Variants in ASIC2 observed in about 807,000 individuals in gnomAD.
ASIC2 encodes the protein acid sensing ion channel subunit 2.
ASIC2 carries 25 observed loss-of-function variants against 57.3 expected under a neutral mutation model. The observed-to-expected ratio is 0.44, with a 90% CI of 0.32 to 0.61. The LOEUF is 0.61. Ranked by LOEUF, ASIC2 falls within the 20% of genes least tolerant of loss-of-function variation. The pLI is 0.06. For synonymous variants in ASIC2, 319 were observed against 307.5 expected, an observed-to-expected ratio of 1.04 and a Z score of -0.39; for missense variants, 641 against 738.1, an observed-to-expected ratio of 0.87 and a Z score of 1.52.
At chr17:33,442,498 TAAGTA>T (rs1234854227) in intron 1 of ASIC2, among the ~76,000 whole-genome samples, 5 of 152,220 alleles carry the variant, frequency 3.3e-5, no homozygotes, top group Non-Finnish European at 7.3e-5. Flanking sequence ...AATTTATTCT[TAAGTA>T]TTTTACTCTT....
chr17:34,155,612 C>A, intron 1 of ASIC2: 1 of 242,864 alleles, frequency 4.1e-6, no homozygotes, highest in East Asian at 1.1e-4. Flanking sequence ...CAGAATGCCA[C>A]CTCGTCAATG....
intron 1 of ASIC2, among the ~76,000 whole-genome samples, chr17:33,242,919 C>T (rs1285528085): frequency 6.6e-6 from 1 of 152,148 alleles, no homozygotes; most frequent in Non-Finnish European, 1.5e-5. Context: ...GGTTTACCTG[C>T]AAGCCACACC....
intron 1 of ASIC2, among the ~76,000 whole-genome samples, chr17:33,265,201 C>T (rs1274601031): frequency 6.6e-6 from 1 of 152,222 alleles, no homozygotes; most frequent in Non-Finnish European, 1.5e-5. Flanking sequence ...TCTTCTGCAT[C>T]ACCTTATCTG....
chr17:33,505,213 T>A (rs541650912), intron 1 of ASIC2, among the ~76,000 whole-genome samples: 2 of 152,098 alleles, frequency 1.3e-5, no homozygotes, highest in Non-Finnish European at 2.9e-5. Context: ...GCACTGAGAT[T>A]CCAGAGGGTC....
At chr17:33,123,641 C>G (rs779484729) in intron 1 of ASIC2, among the ~76,000 whole-genome samples, 3 of 152,188 alleles carry the variant, frequency 2.0e-5, no homozygotes, top group African/African-American at 4.8e-5. Flanking sequence ...GGCATTCTTG[C>G]AAAACTCTGC....
At position 33,905,175 on chromosome 17, in the gene ASIC2, G is replaced by A. The variant is rs1008162904; in HGVS notation, c.555+250803C>T. On this transcript the variant is annotated intron_variant, in intron 1 of 9. Coordinates refer to the ASIC2 transcript ENST00000359872. ...TTTTTTTTTTTTTTTTCCACTTAGC[G>A]TTCTTGCCTTAGGAAAGTAAACCAA... Among the ~76,000 whole-genome samples, 4 of 108,974 alleles carry A rather than the reference G, an allele frequency of 3.7e-5. No individual in the cohort carries two copies. The South Asian group carries it at 1.1e-3, about 30-fold the overall frequency. The allele number at this position is 108,974 out of a possible 152,430, so 71.5% of individuals were successfully genotyped here. A position where few individuals can be genotyped will look rare whatever the true frequency, so the allele number is the denominator to read the frequency against.
At chr17:33,801,217 A>G (rs1912123470) in intron 1 of ASIC2, among the ~76,000 whole-genome samples, 1 of 152,166 alleles carries the variant, frequency 6.6e-6, no homozygotes, top group South Asian at 2.1e-4. Flanking sequence ...AAAGGAGAGG[A>G]AGGAAAATGA....
intron 3 of ASIC2, among the ~76,000 whole-genome samples, chr17:33,064,232 C>T (rs985072085): frequency 1.4e-4 from 21 of 152,338 alleles, no homozygotes; most frequent in African/African-American, 4.6e-4. Context: ...GGAGGAGAGG[C>T]GCTCTGATTT....
chr17:33,419,102 A>C (rs919308966), intron 1 of ASIC2, among the ~76,000 whole-genome samples: 22 of 152,354 alleles, frequency 1.4e-4, no homozygotes, highest in South Asian at 6.2e-4. Context: ...AAAGTATGGT[A>C]ATAAAAAAGA....
chr17:33,855,613 C>T (rs1159563677), intron 1 of ASIC2, among the ~76,000 whole-genome samples: 1 of 152,040 alleles, frequency 6.6e-6, no homozygotes, highest in Non-Finnish European at 1.5e-5. Flanking sequence ...AGGGGCTTGA[C>T]TGGACTGAGA....
At chr17:33,481,151 G>A (rs1913392235) in intron 1 of ASIC2, among the ~76,000 whole-genome samples, 1 of 152,212 alleles carries the variant, frequency 6.6e-6, no homozygotes, top group Non-Finnish European at 1.5e-5. Context: ...TGGTGCCTGA[G>A]TTGCTGAGGG....
intron 1 of ASIC2, among the ~76,000 whole-genome samples, chr17:33,899,071 T>G (rs1326131789): frequency 2.0e-5 from 3 of 148,882 alleles, no homozygotes; most frequent in African/African-American, 7.5e-5. Context: ...GAGCTTGCAG[T>G]GAGCTGAGAT....
At chr17:33,491,307 A>G (rs1913750153) in intron 1 of ASIC2, among the ~76,000 whole-genome samples, 1 of 152,144 alleles carries the variant, frequency 6.6e-6, no homozygotes, top group Non-Finnish European at 1.5e-5. Flanking sequence ...CGGCTCTAAC[A>G]TGATGCTGGG....
intron 3 of ASIC2, among the ~76,000 whole-genome samples, chr17:33,055,541 C>T (rs1458513215): frequency 1.3e-5 from 2 of 152,196 alleles, no homozygotes; most frequent in Non-Finnish European, 2.9e-5. Context: ...TCCGCTTGTC[C>T]TGCTCTGTCA....
intron 1 of ASIC2, among the ~76,000 whole-genome samples, chr17:33,137,247 A>G (rs2092370407): frequency 6.6e-6 from 1 of 152,252 alleles, no homozygotes; most frequent in Non-Finnish European, 1.5e-5. Context: ...AATAGGTTAG[A>G]AAACGCTGGG....
chr17:33,651,646 T>C (rs1239825735), intron 1 of ASIC2, among the ~76,000 whole-genome samples: 1 of 152,216 alleles, frequency 6.6e-6, no homozygotes, highest in Non-Finnish European at 1.5e-5. Flanking sequence ...GAGCCCATGC[T>C]CGCACTTCTG....
chr17:33,527,078 G>A (rs956704899), intron 1 of ASIC2, among the ~76,000 whole-genome samples: 3 of 152,204 alleles, frequency 2.0e-5, no homozygotes, highest in Non-Finnish European at 2.9e-5. Flanking sequence ...AGGGCTGGGC[G>A]CCCTGTGTGC....
At chr17:33,937,825 A>AT (rs142761548) in intron 1 of ASIC2, among the ~76,000 whole-genome samples, 3 of 151,804 alleles carry the variant, frequency 2.0e-5, no homozygotes, top group South Asian at 2.1e-4. Context: ...CTTTTAGAAA[A>AT]TTTTTTTTTC....
At chr17:33,929,860 T>C (rs982251720) in intron 1 of ASIC2, among the ~76,000 whole-genome samples, 4 of 152,210 alleles carry the variant, frequency 2.6e-5, no homozygotes, top group African/African-American at 9.7e-5. Context: ...ATAAAAGGCT[T>C]CACAATATCA....
Sources: allele counts gnomAD v4.1 joint callset (sites outside exome capture counted in the v4.1 genomes callset), GRCh38; gene constraint gnomAD v4.1.1; transcripts MANE v1.5; gene names NCBI Gene and HGNC (gene_info 2026-07-23, HGNC 2026-07-21).